PRKCB: variants seen among roughly 807,000 people sequenced by gnomAD.
PRKCB encodes protein kinase C beta type.
In PRKCB, 13 loss-of-function variants were observed where a neutral mutation model predicts 81.5. The ratio of observed to expected loss-of-function variants is 0.16; its 90% confidence interval spans 0.10 to 0.25. The LOEUF is 0.25. Among genes scored for constraint, PRKCB ranks in the 10% least tolerant of loss-of-function variants. PRKCB has a pLI of 1.00. For missense variants in PRKCB, 509 were observed against 875.7 expected (o/e 0.58, Z 5.29); for synonymous variants, 335 against 321.4 (o/e 1.04, Z -0.45).
At chr16:24,165,887 T>C (rs796912724) in intron 10 of PRKCB, among the ~76,000 whole-genome samples, 330 of 131,124 alleles carry the variant, frequency 2.5e-3, no homozygotes, top group Non-Finnish European at 3.3e-3. Context: ...TTCTTTCTTT[T>C]TTTTTTTTTT....
In PRKCB at chr16:24,035,523, G is replaced by T; in HGVS notation, c.505G>T (p.Asp169Tyr). The T allele has an allele frequency of 6.2e-7, 1 of 1,613,712 alleles. No homozygotes were observed. Among genetic ancestry groups the T allele is most frequent in the Non-Finnish European group, 8.5e-7 (1 of 1,179,874 alleles). Residue 169 changes from aspartate (D) to tyrosine (Y), a missense_variant, in exon 5 of 17, where the codon GAC becomes TAC. Physicochemically the swap from Asp to Tyr is radical, Grantham distance 160. This residue lies in a region of PRKCB where 184 missense variants were observed against 362.9 expected (regional missense o/e 0.51). Transcript: ENST00000643927. Reference sequence around the variant, plus strand: ...CCGCATCTACATCCAGGCCCACATCGACAGGGACGTCCTCATTGTCCTCGG... The same window carrying T: ...CCGCATCTACATCCAGGCCCACATCTACAGGGACGTCCTCATTGTCCTCGG... ...RGRIYIQAHI[D>Y]RDVLIVLVRD...
intron 2 of PRKCB, among the ~76,000 whole-genome samples, chr16:23,845,396 T>C (rs1962350791): frequency 6.6e-6 from 1 of 152,054 alleles, no homozygotes; most frequent in Non-Finnish European, 1.5e-5. Context: ...AACTTCTCAT[T>C]CTCATTTTCT....
At chr16:23,945,459 C>T (rs1047276226) in intron 2 of PRKCB, among the ~76,000 whole-genome samples, 2 of 152,108 alleles carry the variant, frequency 1.3e-5, no homozygotes, top group Non-Finnish European at 2.9e-5. Flanking sequence ...TGGCAGGGTG[C>T]CGGCAGCCCT....
chr16:24,022,777 G>A (rs995650489), intron 3 of PRKCB, among the ~76,000 whole-genome samples: 12 of 152,240 alleles, frequency 7.9e-5, no homozygotes, highest in African/African-American at 2.7e-4. Flanking sequence ...ACAGGCGTGA[G>A]CCACTGTGCC....
At chr16:24,021,505 G>T (rs1251078484) in intron 3 of PRKCB, among the ~76,000 whole-genome samples, 3 of 151,642 alleles carry the variant, frequency 2.0e-5, no homozygotes, top group Non-Finnish European at 4.4e-5. Flanking sequence ...TCTGGTTTGG[G>T]GGTGGCAGGG....
At chr16:23,845,006 T>C (rs1002065174) in intron 2 of PRKCB, among the ~76,000 whole-genome samples, 1 of 152,186 alleles carries the variant, frequency 6.6e-6, no homozygotes, top group Middle Eastern at 3.2e-3. Flanking sequence ...TTCACCATGC[T>C]GGCCAGGCTG....
At chr16:23,946,983 G>A (rs1262080549) in intron 2 of PRKCB, among the ~76,000 whole-genome samples, 1 of 151,940 alleles carries the variant, frequency 6.6e-6, no homozygotes, top group African/African-American at 2.4e-5. Flanking sequence ...AGCCTCCCAA[G>A]TAGCTGGGAT....
At position 23,899,689 on chromosome 16, in the gene PRKCB, G is replaced by C. The variant is rs1323108298; in HGVS notation, c.205+62283G>C. Among the ~76,000 whole-genome samples the C allele has an allele frequency of 7.8e-5, 6 of 77,086 alleles. 2 individuals are homozygous for C. Among genetic ancestry groups the C allele is most frequent in the African/African-American group, 2.3e-4 (6 of 26,264 alleles). The allele number at this position is 77,086 out of a possible 152,430, so 50.6% of individuals were successfully genotyped here. On this transcript the variant is annotated intron_variant, in intron 2 of 16. Coordinates refer to ENST00000643927, the MANE Select transcript of PRKCB (RefSeq NM_002738.7). ...GTGTGGTTTGTTGTCACCTGGGCTG[G>C]AGTGCAGTGATGCGACCATGGCTCA...
At chr16:24,105,061 T>TA (rs1004012568) in intron 7 of PRKCB, among the ~76,000 whole-genome samples, 2 of 151,766 alleles carry the variant, frequency 1.3e-5, no homozygotes, top group Admixed American at 6.6e-5. Context: ...TTGGATTTTT[T>TA]TTTTTTTATT....
chr16:23,934,503 T>C (rs1400158986), intron 2 of PRKCB, among the ~76,000 whole-genome samples: 2 of 152,198 alleles, frequency 1.3e-5, no homozygotes, highest in African/African-American at 4.8e-5. Flanking sequence ...AGGGGATAAG[T>C]ATTATTTTAA....
intron 15 of PRKCB, among the ~76,000 whole-genome samples, chr16:24,185,966 T>A (rs1022271724): frequency 6.6e-5 from 10 of 152,216 alleles, no homozygotes; most frequent in African/African-American, 2.4e-4. Context: ...GTTTAGTTAA[T>A]ACTAAGAGCG....
intron 5 of PRKCB, among the ~76,000 whole-genome samples, chr16:24,064,918 GTATATACA>G (rs970603839): frequency 2.7e-5 from 4 of 148,898 alleles, no homozygotes; most frequent in South Asian, 2.1e-4. Flanking sequence ...GTGTTTATAT[GTATATACA>G]TATATACATA....
chr16:23,853,484 AG>A (rs1046375985), intron 2 of PRKCB, among the ~76,000 whole-genome samples: 6 of 152,206 alleles, frequency 3.9e-5, no homozygotes, highest in Non-Finnish European at 8.8e-5. Context: ...AACCAACGGA[AG>A]GGGGTCCTGG....
chr16:24,005,128 A>G (rs1965100200), intron 3 of PRKCB, among the ~76,000 whole-genome samples: 1 of 152,036 alleles, frequency 6.6e-6, no homozygotes, highest in African/African-American at 2.4e-5. Flanking sequence ...ATATGCTTAA[A>G]CTCTGTACAT....
intron 2 of PRKCB, among the ~76,000 whole-genome samples, 153 bp from the exon 3 acceptor site, chr16:23,988,355 A>G (rs1964827917): frequency 6.6e-6 from 1 of 152,232 alleles, no homozygotes; most frequent in African/African-American, 2.4e-5. Context: ...AGCAAAGGAC[A>G]AGCTGCAGAA....
chr16:23,888,664 C>T (rs778718009), intron 2 of PRKCB, among the ~76,000 whole-genome samples: 2 of 145,788 alleles, frequency 1.4e-5, no homozygotes, highest in African/African-American at 5.7e-5. Context: ...CCACCCTCGT[C>T]ATGTTTCTCG....
At chr16:24,191,283 G>T in intron 16 of PRKCB, 53 bp downstream of exon 16, 2 of 1,603,776 alleles carry the variant, frequency 1.2e-6, no homozygotes, top group Non-Finnish European at 1.7e-6. Flanking sequence ...AGGTATTCTT[G>T]CCTGTGCCTC....
Position 24,218,385 on chromosome 16 carries a change from A to G in PRKCB, c.*3569A>G. On this transcript the variant is annotated 3_prime_UTR_variant, in exon 17 of 17. Transcript: ENST00000643927. Reference sequence around the variant, plus strand: ...CCACAGGCTAACAGCAAGCAGGACAAGACAAAAAGGGCAGGTGGGACATGG... The same window carrying G: ...CCACAGGCTAACAGCAAGCAGGACAGGACAAAAAGGGCAGGTGGGACATGG... 1.0e-6 allele frequency: 1 copy of G among 985,280 alleles called. No individual in the cohort carries two copies. Among genetic ancestry groups the G allele is most frequent in the Non-Finnish European group, 1.2e-6 (1 of 829,926 alleles). The allele number at this position is 985,280 out of a possible 1,614,324, so 61.0% of individuals were successfully genotyped here.
At chr16:24,085,545 C>A (rs1307640206) in intron 5 of PRKCB, among the ~76,000 whole-genome samples, 1 of 152,190 alleles carries the variant, frequency 6.6e-6, no homozygotes, top group African/African-American at 2.4e-5. Context: ...TTTGGACTCT[C>A]TTAAGAGTGA....
Sources: gnomAD v4.1 joint callset for allele counts (sites outside exome capture counted in the v4.1 genomes callset) on GRCh38, gnomAD v4.1.1 for gene constraint, gnomAD v4.1.1 regional missense constraint, MANE v1.5 for transcripts, NCBI Gene and HGNC (gene_info 2026-07-23, HGNC 2026-07-21) for gene names.